The following CDK5RAP2 variants were observed in gnomAD, a reference collection of about 807,000 sequenced individuals.
CDK5RAP2 encodes the protein CDK5 regulatory subunit-associated protein 2.
CDK5RAP2 carries 147 observed loss-of-function variants against 232.9 expected under a neutral mutation model. That is an observed-to-expected ratio of 0.63 (90% confidence interval 0.55 to 0.72). The LOEUF is 0.72. Ranked by LOEUF, CDK5RAP2 falls within the 30% of genes least tolerant of loss-of-function variation. The pLI is 0.00. For synonymous variants in CDK5RAP2, 833 were observed against 833.7 expected (o/e 1.00, Z 0.01); for missense variants, 2,195 against 2,231.5 (o/e 0.98, Z 0.33).
At chr9:120,458,658 A>C (rs780385081) in intron 19 of CDK5RAP2, 36 bp from the exon 20 acceptor site, 3 of 1,597,926 alleles carry the variant, frequency 1.9e-6, no homozygotes, top group East Asian at 4.5e-5. Flanking sequence ...TAATGGAATA[A>C]GGAGGAAGGG....
At chr9:120,561,305 ATTT>A (rs199984383) in intron 3 of CDK5RAP2, among the ~76,000 whole-genome samples, 1 of 150,496 alleles carries the variant, frequency 6.6e-6, no homozygotes, top group Non-Finnish European at 1.5e-5. Flanking sequence ...AAATAACAGA[ATTT>A]TTTTTTTAAA....
chr9:120,523,353 AT>A (rs1302732841), intron 11 of CDK5RAP2, among the ~76,000 whole-genome samples: 2 of 152,296 alleles, frequency 1.3e-5, no homozygotes, highest in African/African-American at 4.8e-5. Flanking sequence ...CAGCCAACAG[AT>A]TTTTACCCAA....
intron 8 of CDK5RAP2, among the ~76,000 whole-genome samples, 166 bp downstream of exon 8, chr9:120,529,812 C>G (rs1317607611): frequency 2.6e-5 from 4 of 152,152 alleles, no homozygotes. Flanking sequence ...AAAAAGAATG[C>G]CAGGGCCCCT....
intron 28 of CDK5RAP2, among the ~76,000 whole-genome samples, chr9:120,412,810 T>C (rs1226452862): frequency 6.6e-6 from 1 of 152,182 alleles, no homozygotes; most frequent in Non-Finnish European, 1.5e-5. Flanking sequence ...TGACAGTCCT[T>C]CCACTCTACA....
intron 19 of CDK5RAP2, 111 bp downstream of exon 19, chr9:120,460,461 A>C (rs2037020915): frequency 1.0e-6 from 1 of 969,398 alleles, no homozygotes; most frequent in Non-Finnish European, 1.6e-6. Context: ...TGAAAGGTAC[A>C]GGATATAGGC....
Position 120,517,990 on chromosome 9 carries a change from C to T in CDK5RAP2, c.1311+437G>A, listed in dbSNP as rs75444461. 4.7e-3 allele frequency: 997 copies of T among 213,164 alleles called. 14 individuals are homozygous for T. The highest frequency in any genetic ancestry group is 0.022 in the African/African-American group (937 of 43,510). The allele number at this position is 213,164 out of a possible 1,614,324, so 13.2% of individuals were successfully genotyped here. ...AAAAAAAAGTAAAATAATCTAAATG[C>T]CGTTCAAAAAAGAACTAGTTAAATA... is the stretch of plus-strand genomic sequence containing the variant. On this transcript the variant is annotated intron_variant, in intron 12 of 37. Coordinates refer to ENST00000349780, the MANE Select transcript of CDK5RAP2 (RefSeq NM_018249.6).
intron 3 of CDK5RAP2, among the ~76,000 whole-genome samples, chr9:120,565,439 G>A (rs2042614179): frequency 6.6e-6 from 1 of 152,080 alleles, no homozygotes; most frequent in South Asian, 2.1e-4. Context: ...CACAATTCTG[G>A]TCATTTCCCT....
chr9:120,489,372 A>C (rs1215085421), intron 13 of CDK5RAP2, among the ~76,000 whole-genome samples: 1 of 152,088 alleles, frequency 6.6e-6, no homozygotes, highest in African/African-American at 2.4e-5. Context: ...AGGCCCTTTC[A>C]ATGTAGAAAT....
intron 16 of CDK5RAP2, among the ~76,000 whole-genome samples, chr9:120,471,316 T>A (rs1274496654): frequency 6.6e-6 from 1 of 152,118 alleles, no homozygotes; most frequent in South Asian, 2.1e-4. Flanking sequence ...CCTTAATGCA[T>A]ATACAGCACT....
At chr9:120,457,047 C>A (rs772919798) in intron 20 of CDK5RAP2, among the ~76,000 whole-genome samples, 1 of 152,170 alleles carries the variant, frequency 6.6e-6, no homozygotes, top group Non-Finnish European at 1.5e-5. Context: ...GGGAGAGGAA[C>A]TCACATTTCC....
Position 120,571,987 on chromosome 9 carries a change from C to T in CDK5RAP2, c.114G>A (p.Gly38=), listed in dbSNP as rs934252551. 1.9e-6 allele frequency: 3 copies of T among 1,613,732 alleles called. No homozygotes were observed. The highest frequency in any genetic ancestry group is 1.7e-5 in the Admixed American group (1 of 59,998). ...DDLDGINPNA[G]LGNGLLPNVS... ...TTGTGTACTTACGACCATTTCCCAA[C>T]CCAGCATTGGGGTTGATGCCATCCA... is the stretch of plus-strand genomic sequence containing the variant. The change falls in exon 2 of 38, where the codon GGG becomes GGA. Residue 38 remains glycine, a synonymous_variant. Transcript: ENST00000349780.
rs1392319469 is a variant in CDK5RAP2, at chr9:120,446,260, C to A, written c.3025+1635G>T. Among the ~76,000 whole-genome samples, 4 of 148,204 alleles carry A rather than the reference C, an allele frequency of 2.7e-5. No individual in the cohort carries two copies. The East Asian group carries it at 7.8e-4, about 29-fold the overall frequency. ...ACAGGCTGTGGTTTGTCAACTCCTA[C>A]TTTTTTTTTTTGAGATGGAGTTTCG... On this transcript the variant is annotated intron_variant, in intron 22 of 37. Coordinates refer to ENST00000349780, the MANE Select transcript of CDK5RAP2 (RefSeq NM_018249.6).
intron 11 of CDK5RAP2, among the ~76,000 whole-genome samples, chr9:120,520,728 A>ATGTATG (rs2040585417): frequency 6.7e-6 from 1 of 149,614 alleles, no homozygotes. Context: ...ATGATATATC[A>ATGTATG]TATATGTATC....
intron 9 of CDK5RAP2, 52 bp downstream of exon 9, chr9:120,528,692 G>A: frequency 8.7e-7 from 1 of 1,150,026 alleles, no homozygotes; most frequent in Non-Finnish European, 1.3e-6. Context: ...TAAAACAAGA[G>A]GCAAGAATAG....
Position 120,415,102 on chromosome 9 carries a change from G to C in CDK5RAP2, c.4235C>G (p.Ser1412Cys), listed in dbSNP as rs201387927. The C allele has an allele frequency of 2.5e-6, 4 of 1,613,958 alleles. No homozygotes were observed. The highest frequency in any genetic ancestry group is 1.1e-5 in the South Asian group (1 of 91,086). The change falls in exon 28 of 38, where the codon TCT becomes TGT. Residue 1412 changes from serine (S) to cysteine (C), a missense_variant. Physicochemically the swap from Ser to Cys is moderately radical, Grantham distance 112. Coordinates refer to ENST00000349780, the MANE Select transcript of CDK5RAP2 (RefSeq NM_018249.6). ...IRTLRKRLEE[S>C]IKTNEKLRKQ... is the part of the protein sequence containing the mutation. ...CCGTAGCTTCTCATTTGTTTTAATA[G>C]ATTCTTCTAAACGCTTTCTCAAAGT...
intron 10 of CDK5RAP2, 144 bp downstream of exon 10, chr9:120,527,659 CCGG>C: frequency 1.2e-6 from 1 of 821,296 alleles, no homozygotes; most frequent in Non-Finnish European, 1.9e-6. Flanking sequence ...AAAAGAATTT[CCGG>C]TTGACTAGAG....
intron 6 of CDK5RAP2, among the ~76,000 whole-genome samples, chr9:120,536,814 C>G (rs1564353254): frequency 6.6e-6 from 1 of 152,038 alleles, no homozygotes; most frequent in African/African-American, 2.4e-5. Flanking sequence ...TCAAGAAGAA[C>G]AAGAAGAAAT....
intron 12 of CDK5RAP2, among the ~76,000 whole-genome samples, chr9:120,496,951 G>A (rs1205207152): frequency 2.1e-5 from 3 of 140,482 alleles, no homozygotes; most frequent in Non-Finnish European, 1.5e-5. Flanking sequence ...TGACAATGGC[G>A]GCTTTGTGGA....
Position 120,522,962 on chromosome 9 carries a change from G to A in CDK5RAP2, c.1092+2024C>T, listed in dbSNP as rs116880452. 2.0e-5 allele frequency among the ~76,000 whole-genome samples: 3 copies of A among 152,354 alleles called. No individual in the cohort carries two copies. In the East Asian group the frequency reaches 5.8e-4, roughly 29 times the overall value. ...GTGTGCATTTACTCACACACAATCA[G>A]AGGAGTGGAAAGAGCATAGGCTTTG... is the stretch of plus-strand genomic sequence containing the variant. On this transcript the variant is annotated intron_variant, in intron 11 of 37. Coordinates refer to ENST00000349780, the MANE Select transcript of CDK5RAP2 (RefSeq NM_018249.6).
Sources: allele counts gnomAD v4.1 joint callset (sites outside exome capture counted in the v4.1 genomes callset), GRCh38; gene constraint gnomAD v4.1.1; transcripts MANE v1.5; gene names NCBI Gene and HGNC (gene_info 2026-07-23, HGNC 2026-07-21).